The following TRIM9 variants were observed in gnomAD, a reference collection of about 807,000 sequenced individuals.
TRIM9 encodes E3 ubiquitin-protein ligase TRIM9.
In TRIM9, 26 loss-of-function variants were observed where a neutral mutation model predicts 78.3. The ratio of observed to expected loss-of-function variants is 0.33; its 90% CI spans 0.24 to 0.46. The LOEUF (loss-of-function observed/expected upper bound fraction) is 0.46. Among genes scored for constraint, TRIM9 ranks in the 20% least tolerant of loss-of-function variants. The pLI is 1.00. For missense variants in TRIM9, 787 were observed against 1,036.4 expected, an observed-to-expected ratio of 0.76 and a Z score of 3.30; for synonymous variants, 398 against 416.5, an observed-to-expected ratio of 0.96 and a Z score of 0.54.
intron 1 of TRIM9, among the ~76,000 whole-genome samples, chr14:51,043,228 A>G (rs2059699554): frequency 6.6e-6 from 1 of 152,248 alleles, no homozygotes; most frequent in Non-Finnish European, 1.5e-5. Flanking sequence ...GGAGTTATGT[A>G]TAAAAAGAAG....
At chr14:51,008,945 G>A in intron 5 of TRIM9, 135 bp downstream of exon 5, 1 of 847,310 alleles carries the variant, frequency 1.2e-6, no homozygotes, top group Non-Finnish European at 1.9e-6. Context: ...ACATTTATAA[G>A]GATACATTTT....
intron 1 of TRIM9, among the ~76,000 whole-genome samples, chr14:51,087,382 A>T (rs2063861602): frequency 6.6e-6 from 1 of 152,202 alleles, no homozygotes; most frequent in South Asian, 2.1e-4. Flanking sequence ...TGATGTCATG[A>T]TGATTTCCCT....
intron 5 of TRIM9, 58 bp downstream of exon 5, chr14:51,009,022 C>G (rs995930428): frequency 6.3e-7 from 1 of 1,577,404 alleles, no homozygotes; most frequent in African/African-American, 1.3e-5. Flanking sequence ...GATCCTGCTT[C>G]AAGCACCAGC....
chr14:51,074,174 T>C (rs1485443317), intron 1 of TRIM9, among the ~76,000 whole-genome samples: 2 of 152,012 alleles, frequency 1.3e-5, no homozygotes, highest in African/African-American at 4.8e-5. Flanking sequence ...ATCCCAGCAC[T>C]TTAGGAGGCT....
rs2064721220 is a variant in TRIM9 at position 51,094,174 on chromosome 14, C to T, written c.766G>A (p.Gly256Ser). 1 of 1,614,246 alleles carries T rather than the reference C, an allele frequency of 6.2e-7. No individual in the cohort carries two copies. The highest frequency in any genetic ancestry group is 8.5e-7 in the Non-Finnish European group (1 of 1,180,042). ...MPVCYQCLEE[G>S]KHSSHEVKAL... ...TTGACTTCGTGGCTGGAGTGTTTGC[C>T]CTCCTCCAAGCACTGGTAGCACACG... is the stretch of plus-strand genomic sequence containing the variant. The change falls in exon 1 of 13, where the codon GGC (glycine) becomes AGC (serine). Residue 256 changes from glycine to serine, a missense_variant. By Grantham distance (56) the Gly-to-Ser change is moderately conservative. Transcript: ENST00000684578.
chr14:51,014,090 T>G (rs2056885956), intron 3 of TRIM9, among the ~76,000 whole-genome samples: 1 of 152,206 alleles, frequency 6.6e-6, no homozygotes, highest in Non-Finnish European at 1.5e-5. Context: ...TCAGTCTGCT[T>G]TTGAGATAAA....
chr14:50,986,758 C>G (rs1269492919), intron 7 of TRIM9, among the ~76,000 whole-genome samples: 2 of 152,118 alleles, frequency 1.3e-5, no homozygotes, highest in Non-Finnish European at 2.9e-5. Context: ...GGGAAAGAGC[C>G]TTACCTTTGT....
intron 1 of TRIM9, among the ~76,000 whole-genome samples, chr14:51,027,630 T>C (rs1231807233): frequency 6.6e-6 from 1 of 152,182 alleles, no homozygotes; most frequent in Non-Finnish European, 1.5e-5. Flanking sequence ...AAGCTCAAAG[T>C]GAGCCTACAG....
At chr14:51,021,688 C>A (rs1399640893) in intron 3 of TRIM9, among the ~76,000 whole-genome samples, 2 of 152,352 alleles carry the variant, frequency 1.3e-5, no homozygotes, top group Non-Finnish European at 2.9e-5. Flanking sequence ...CTGAAGCCTG[C>A]TGGCCACATG....
At chr14:51,008,289 C>T (rs1472384967) in intron 5 of TRIM9, among the ~76,000 whole-genome samples, 2 of 152,130 alleles carry the variant, frequency 1.3e-5, no homozygotes, top group East Asian at 3.8e-4. Context: ...GTGTCAACTT[C>T]CTGGTTTTGA....
intron 1 of TRIM9, among the ~76,000 whole-genome samples, chr14:51,035,876 G>C (rs546697661): frequency 1.3e-5 from 2 of 152,166 alleles, no homozygotes; most frequent in Non-Finnish European, 2.9e-5. Flanking sequence ...GCCTAACAAC[G>C]CACATAAAAT....
At chr14:51,090,518 TTAGAA>T (rs1211040323) in intron 1 of TRIM9, 1 of 152,176 alleles carries the variant, frequency 6.6e-6, no homozygotes, top group East Asian at 1.9e-4. Context: ...TGAATAGTGT[TTAGAA>T]TAGAAAGGAA....
chr14:51,043,225 T>G (rs548483857), intron 1 of TRIM9, among the ~76,000 whole-genome samples: 1 of 152,222 alleles, frequency 6.6e-6, no homozygotes, highest in Admixed American at 6.5e-5. Context: ...ACTGGAGTTA[T>G]GTATAAAAAG....
intron 1 of TRIM9, among the ~76,000 whole-genome samples, chr14:51,073,825 C>G (rs2062517150): frequency 6.6e-6 from 1 of 152,132 alleles, no homozygotes; most frequent in Non-Finnish European, 1.5e-5. Context: ...TTTTTTGCAG[C>G]TGCAGGCTTA....
intron 1 of TRIM9, among the ~76,000 whole-genome samples, chr14:51,056,523 A>G (rs905530488): frequency 2.0e-5 from 3 of 152,208 alleles, no homozygotes; most frequent in Admixed American, 2.0e-4. Flanking sequence ...CATTCAACAA[A>G]TAAGTCCAAC....
At chr14:51,081,805 A>C (rs2063329642) in intron 1 of TRIM9, among the ~76,000 whole-genome samples, 1 of 152,226 alleles carries the variant, frequency 6.6e-6, no homozygotes, top group Admixed American at 6.5e-5. Flanking sequence ...AGGAACAGCC[A>C]AATGGCAGAG....
intron 3 of TRIM9, among the ~76,000 whole-genome samples, chr14:51,021,193 G>A (rs183804994): frequency 1.3e-5 from 2 of 152,316 alleles, no homozygotes; most frequent in East Asian, 3.9e-4. Flanking sequence ...GTTAGGCCAG[G>A]TGCTGGATAC....
At chr14:50,989,777 T>C (rs967216972) in intron 7 of TRIM9, among the ~76,000 whole-genome samples, 6 of 152,214 alleles carry the variant, frequency 3.9e-5, no homozygotes, top group Non-Finnish European at 5.9e-5. Context: ...TATCAAGATA[T>C]GCTTTCCATC....
intron 1 of TRIM9, among the ~76,000 whole-genome samples, chr14:51,035,668 A>G (rs1287154461): frequency 1.3e-5 from 2 of 152,180 alleles, no homozygotes; most frequent in African/African-American, 2.4e-5. Flanking sequence ...GCAGCCAGAG[A>G]GATATGTAGA....
Sources: gnomAD v4.1 joint callset for allele counts (sites outside exome capture counted in the v4.1 genomes callset) on GRCh38, gnomAD v4.1.1 for gene constraint, MANE v1.5 for transcripts, NCBI Gene and HGNC (gene_info 2026-07-23, HGNC 2026-07-21) for gene names.